The following FER variants were observed in gnomAD, a reference collection of about 807,000 sequenced individuals.
FER encodes tyrosine-protein kinase Fer.
In FER, 63 loss-of-function variants were observed where a neutral mutation model predicts 111.0. The observed-to-expected ratio is 0.57, with a 90% CI of 0.46 to 0.70. The LOEUF is 0.70. Among genes scored for constraint, FER ranks in the 30% least tolerant of loss-of-function variants. The probability of loss-of-function intolerance (pLI) is 0.00; values close to 1 mark genes in which losing one functional copy is unlikely to be tolerated. For missense variants in FER, 914 were observed against 954.0 expected, an observed-to-expected ratio of 0.96 and a Z score of 0.55; for synonymous variants, 327 against 313.9, an observed-to-expected ratio of 1.04 and a Z score of -0.44.
chr5:108,953,002 G>A (rs190412732), intron 11 of FER, among the ~76,000 whole-genome samples: 1 of 151,888 alleles, frequency 6.6e-6, no homozygotes, highest in African/African-American at 2.4e-5. Flanking sequence ...GAATAAATAA[G>A]CAGTTTTGCT....
intron 17 of FER, 72 bp downstream of exon 17, chr5:109,100,591 A>C: frequency 7.1e-7 from 1 of 1,411,144 alleles, no homozygotes; most frequent in Non-Finnish European, 9.7e-7. Flanking sequence ...TATTTGCTAC[A>C]ATAGAAGTCA....
At chr5:109,055,065 A>G (rs1773446699) in intron 16 of FER, among the ~76,000 whole-genome samples, 1 of 152,214 alleles carries the variant, frequency 6.6e-6, no homozygotes, top group African/African-American at 2.4e-5. Context: ...ACAAAGGGGA[A>G]AGAATAGTCT....
intron 5 of FER, among the ~76,000 whole-genome samples, chr5:108,844,096 A>G (rs567602391): frequency 4.0e-4 from 59 of 147,554 alleles, no homozygotes; most frequent in South Asian, 4.3e-4. Context: ...GTGTGAACAT[A>G]TGTGTGTGAA....
chr5:108,792,616 T>G (rs1755506867), intron 2 of FER, among the ~76,000 whole-genome samples: 1 of 151,962 alleles, frequency 6.6e-6, no homozygotes, highest in Non-Finnish European at 1.5e-5. Flanking sequence ...GGATTACAGG[T>G]GTGAGCCACT....
rs112450827 is a variant in FER at position 109,031,950 on chromosome 5, G to A, written c.1657-5472G>A. On this transcript the variant is annotated intron_variant, in intron 13 of 19. Coordinates refer to ENST00000281092, the MANE Select transcript of FER (RefSeq NM_005246.4). The stretch of plus-strand genomic sequence containing the variant: ...TTTGGAGATGAACTTTCCTAGAGAA[G>A]CAGTGCTAGCAATGCTTAAGTATAT... Among the ~76,000 whole-genome samples, 7 of 152,254 alleles carry A rather than the reference G, an allele frequency of 4.6e-5. 1 individual carries two copies. Among genetic ancestry groups the A allele is most frequent in the African/African-American group, 1.7e-4 (7 of 41,562 alleles).
chr5:108,819,907 T>C (rs1472177891), intron 3 of FER: 2 of 985,142 alleles, frequency 2.0e-6, no homozygotes, highest in Non-Finnish European at 2.4e-6. Flanking sequence ...GATGAAAAGG[T>C]TGATTGGGTT....
At chr5:108,846,268 C>A (rs945109183) in intron 5 of FER, among the ~76,000 whole-genome samples, 1 of 151,910 alleles carries the variant, frequency 6.6e-6, no homozygotes, top group Non-Finnish European at 1.5e-5. Context: ...AATTCACTTT[C>A]TGTAATCAAT....
intron 17 of FER, among the ~76,000 whole-genome samples, chr5:109,166,843 A>G (rs1277813724): frequency 1.3e-5 from 2 of 152,130 alleles, no homozygotes; most frequent in African/African-American, 4.8e-5. Context: ...GCTTCTTTAC[A>G]TGGTATCAGG....
intron 8 of FER, among the ~76,000 whole-genome samples, chr5:108,881,151 C>G (rs775079768): frequency 6.6e-6 from 1 of 152,156 alleles, no homozygotes; most frequent in Non-Finnish European, 1.5e-5. Flanking sequence ...CATATAAACA[C>G]ATACCACATA....
At chr5:109,156,582 G>T (rs1755418083) in intron 17 of FER, among the ~76,000 whole-genome samples, 2 of 151,862 alleles carry the variant, frequency 1.3e-5, no homozygotes, top group South Asian at 4.2e-4. Flanking sequence ...TATATGAGAT[G>T]ATCTAGAAAG....
At chr5:108,950,893 A>T (rs977105039) in intron 11 of FER, among the ~76,000 whole-genome samples, 6 of 152,076 alleles carry the variant, frequency 3.9e-5, no homozygotes, top group African/African-American at 1.4e-4. Context: ...TCTTTTGTAA[A>T]CAGTTGATTT....
At chr5:109,094,173 C>CTT (rs199951464) in intron 16 of FER, among the ~76,000 whole-genome samples, 4,950 of 143,520 alleles carry the variant, frequency 0.034, 133 homozygotes, top group South Asian at 0.086. Flanking sequence ...ACCTTTCCAG[C>CTT]TTTTTTTTTT....
chr5:108,876,543 A>T (rs1000846611), intron 8 of FER, among the ~76,000 whole-genome samples: 23 of 152,240 alleles, frequency 1.5e-4, no homozygotes, highest in African/African-American at 5.5e-4. Flanking sequence ...AAAGAAGAAG[A>T]GAAAATAGAT....
intron 13 of FER, among the ~76,000 whole-genome samples, chr5:109,033,628 C>T (rs552525225): frequency 4.6e-5 from 7 of 152,182 alleles, no homozygotes; most frequent in African/African-American, 1.4e-4. Context: ...CACTTAGCAG[C>T]CTTCTTAGGA....
At position 109,175,791 on chromosome 5, in the gene FER, A is replaced by G. The variant is rs1399078021; in HGVS notation, c.2049-4956A>G. On this transcript the variant is annotated intron_variant, in intron 17 of 19. Coordinates refer to ENST00000281092, the MANE Select transcript of FER (RefSeq NM_005246.4). The stretch of plus-strand genomic sequence containing the variant: ...ATGCAAATCAAAACCACAGTGGGAT[A>G]CCATTTCACCCCAGTTAGAATGGCT... 2.0e-5 allele frequency among the ~76,000 whole-genome samples: 3 copies of G among 152,338 alleles called. No individual in the cohort carries two copies. The East Asian group carries it at 5.8e-4, about 29-fold the overall frequency.
At chr5:108,820,741 C>CT (rs1758751309) in intron 3 of FER, among the ~76,000 whole-genome samples, 1 of 152,134 alleles carries the variant, frequency 6.6e-6, no homozygotes, top group Non-Finnish European at 1.5e-5. Context: ...AAAATTTAGT[C>CT]TTTGTCCACA....
chr5:108,786,434 T>C (rs1754723421), intron 2 of FER, among the ~76,000 whole-genome samples: 1 of 152,214 alleles, frequency 6.6e-6, no homozygotes. Context: ...ACTGAAACCA[T>C]GCTGTGAAAC....
At chr5:109,073,505 A>G (rs1448426979) in intron 16 of FER, among the ~76,000 whole-genome samples, 1 of 152,102 alleles carries the variant, frequency 6.6e-6, no homozygotes, top group Non-Finnish European at 1.5e-5. Context: ...CGGTATCTGC[A>G]CCTTAGCATG....
intron 2 of FER, among the ~76,000 whole-genome samples, chr5:108,780,136 A>G (rs1174948689): frequency 1.3e-5 from 2 of 152,174 alleles, no homozygotes; most frequent in Non-Finnish European, 2.9e-5. Context: ...AGATCAATTG[A>G]GAGTAAGAAA....
Sources: allele counts gnomAD v4.1 joint callset (sites outside exome capture counted in the v4.1 genomes callset), GRCh38; gene constraint gnomAD v4.1.1; transcripts MANE v1.5; gene names NCBI Gene and HGNC (gene_info 2026-07-23, HGNC 2026-07-21).